PFDN1: variants seen among roughly 807,000 people sequenced by gnomAD.
PFDN1 encodes prefoldin 1.
A neutral mutation model predicts 17.3 loss-of-function variants in PFDN1; 6 were observed. The observed-to-expected ratio is 0.35, with a 90% CI of 0.19 to 0.69. The LOEUF (loss-of-function observed/expected upper bound fraction) is 0.69, where lower values mean the gene tolerates loss of function less well. Ranked by LOEUF, PFDN1 falls within the 30% of genes least tolerant of loss-of-function variation. The pLI, the probability that PFDN1 is intolerant of heterozygous loss-of-function variation, is 0.65. For missense variants in PFDN1, 113 were observed against 146.2 expected (o/e 0.77, Z 1.17); for synonymous variants, 58 against 50.1 (o/e 1.16, Z -0.67).
rs1241622048 is a variant in PFDN1 at position 140,254,748 on chromosome 5, T to G, written c.286-8691A>C. Among the ~76,000 whole-genome samples, 2 of 152,238 alleles carry G rather than the reference T, an allele frequency of 1.3e-5. No homozygotes were observed. The highest frequency in any genetic ancestry group is 4.8e-5 in the African/African-American group (2 of 41,456). ...ACCTCATATTCTTCCAGGTCACTTC[T>G]GATACTCTCGCTCCAGCATTTCTTC... On this transcript the variant is annotated intron_variant, in intron 3 of 3. Coordinates refer to ENST00000261813, the MANE Select transcript of PFDN1 (RefSeq NM_002622.5). This position sits in a 1 kb window ranked among gnomAD's most constrained non-coding sequence, Gnocchi z 4.4.
chr5:140,277,234 A>G (rs1042801797), intron 3 of PFDN1, among the ~76,000 whole-genome samples: 4 of 152,092 alleles, frequency 2.6e-5, no homozygotes, highest in Admixed American at 6.6e-5. Flanking sequence ...CTCAAAAAAA[A>G]AAAAAAAGTT....
At chr5:140,281,428 C>T in intron 3 of PFDN1, 21 bp downstream of exon 3, 1 of 1,064,928 alleles carries the variant, frequency 9.4e-7, no homozygotes, top group South Asian at 1.3e-5. Flanking sequence ...AAGTTAACTC[C>T]TATTGCCAAT....
chr5:140,271,568 T>A (rs2126686338), intron 3 of PFDN1, among the ~76,000 whole-genome samples: 1 of 152,314 alleles, frequency 6.6e-6, no homozygotes, highest in East Asian at 1.9e-4. Flanking sequence ...ATTTTAATCA[T>A]CAGGAGTGTA....
At chr5:140,258,119 A>G (rs972026515) in intron 3 of PFDN1, among the ~76,000 whole-genome samples, 1 of 152,198 alleles carries the variant, frequency 6.6e-6, no homozygotes, top group Non-Finnish European at 1.5e-5. Flanking sequence ...GTCTTAAGCC[A>G]TATTAAAGTT....
chr5:140,268,219 A>G (rs1281164990), intron 3 of PFDN1, among the ~76,000 whole-genome samples: 1 of 152,260 alleles, frequency 6.6e-6, no homozygotes, highest in Non-Finnish European at 1.5e-5. Flanking sequence ...TAATATGCAA[A>G]AATCATTTGA....
intron 2 of PFDN1, among the ~76,000 whole-genome samples, chr5:140,282,875 T>C (rs1353492838): frequency 6.6e-6 from 1 of 152,224 alleles, no homozygotes; most frequent in African/African-American, 2.4e-5. Context: ...TGCAATTAAT[T>C]AAGCAAGATT....
At chr5:140,273,670 T>C (rs78404274) in intron 3 of PFDN1, among the ~76,000 whole-genome samples, 1 of 152,132 alleles carries the variant, frequency 6.6e-6, no homozygotes, top group Non-Finnish European at 1.5e-5. Flanking sequence ...TTTTTTTTTT[T>C]ACATATGATA....
rs533754966 is a variant in PFDN1 at position 140,280,068 on chromosome 5, C to T, written c.285+1381G>A. Among the ~76,000 whole-genome samples the T allele has an allele frequency of 2.0e-5, 3 of 148,106 alleles. No homozygotes were observed. The South Asian group carries it at 6.3e-4, about 31-fold the overall frequency. On this transcript the variant is annotated intron_variant, in intron 3 of 3. Transcript: ENST00000261813. ...AAGAAAAAGAAAAAATCATTTATCC[C>T]TACGTCCCATCTAATTTCTTTAGGG...
chr5:140,250,863 C>T (rs982771091), intron 3 of PFDN1, among the ~76,000 whole-genome samples: 3 of 152,216 alleles, frequency 2.0e-5, no homozygotes, highest in African/African-American at 7.2e-5. Context: ...TCCAACCTAT[C>T]ACTACAAACA....
chr5:140,274,315 T>G (rs1765256475), intron 3 of PFDN1, among the ~76,000 whole-genome samples: 1 of 152,238 alleles, frequency 6.6e-6, no homozygotes, highest in South Asian at 2.1e-4. Context: ...AGACATGTCA[T>G]AATTCCAAAT....
At position 140,273,761 on chromosome 5, in the gene PFDN1, A is replaced by C. The variant is rs115130304; in HGVS notation, c.285+7688T>G. The C allele has an allele frequency of 2.3e-3, 524 of 228,076 alleles. 5 individuals carry two copies. Among genetic ancestry groups the C allele is most frequent in the African/African-American group, 0.012 (505 of 42,834 alleles). 14.1% of individuals were successfully genotyped at this position (228,076 alleles called of 1,614,324 possible). A position where few individuals can be genotyped will look rare whatever the true frequency, so the allele number is the denominator to read the frequency against. On this transcript the variant is annotated intron_variant, in intron 3 of 3. Coordinates refer to ENST00000261813, the MANE Select transcript of PFDN1 (RefSeq NM_002622.5). Reference sequence around the variant, plus strand: ...GGCGCTAAGCACGCCAGACTGTCCTAGGTTTCCTTATTCTTATTCTGTTAT... The same window carrying C: ...GGCGCTAAGCACGCCAGACTGTCCTCGGTTTCCTTATTCTTATTCTGTTAT...
In PFDN1 at chr5:140,280,014, C is replaced by CCAAAAAAAAAAAAAAAAA. The variant is rs1335205089; in HGVS notation, c.285+1434_285+1435insTTTTTTTTTTTTTTTTTG. ...CCGTCTCAAAAAAAAAAAAAAAAAA[C>CCAAAAAAAAAAAAAAAAA]AAAAAAAGAAAAGAAAAGAAAAGAA... On this transcript the variant is annotated intron_variant, in intron 3 of 3. Coordinates refer to ENST00000261813, the MANE Select transcript of PFDN1 (RefSeq NM_002622.5). 2.6e-4 allele frequency among the ~76,000 whole-genome samples: 26 copies of CCAAAAAAAAAAAAAAAAA among 99,110 alleles called. 2 individuals are homozygous for CCAAAAAAAAAAAAAAAAA. Among genetic ancestry groups the CCAAAAAAAAAAAAAAAAA allele is most frequent in the African/African-American group, 9.0e-4 (18 of 19,932 alleles). 65.0% of individuals were successfully genotyped at this position (99,110 alleles called of 152,430 possible). A position where few individuals can be genotyped will look rare whatever the true frequency, so the allele number is the denominator to read the frequency against.
chr5:140,299,302 C>T (rs1294272883), intron 2 of PFDN1, among the ~76,000 whole-genome samples: 1 of 152,082 alleles, frequency 6.6e-6, no homozygotes, highest in Non-Finnish European at 1.5e-5. Context: ...GGAAAGTAAG[C>T]ACTTAAGAAA....
Position 140,280,718 on chromosome 5 carries a change from G to A in PFDN1, c.285+731C>T, listed in dbSNP as rs190428827. On this transcript the variant is annotated intron_variant, in intron 3 of 3. Transcript: ENST00000261813. ...ATGAAGTCAATGTATCCACCCACAT[G>A]TTGGGAAATCTTGGTCCCTAAGAAA... Among the ~76,000 whole-genome samples the A allele has an allele frequency of 7.3e-4, 111 of 152,286 alleles. No homozygotes were observed. The Middle Eastern group carries it at 0.02, about 28-fold the overall frequency.
chr5:140,266,259 G>A lies in PFDN1; in HGVS notation c.285+15190C>T, dbSNP rs533350467. 3.3e-5 allele frequency among the ~76,000 whole-genome samples: 5 copies of A among 152,234 alleles called. 1 individual carries two copies. The South Asian group carries it at 1.0e-3, about 32-fold the overall frequency. On this transcript the variant is annotated intron_variant, in intron 3 of 3. Transcript: ENST00000261813. The stretch of plus-strand genomic sequence containing the variant: ...CTACCTTAAAATACATCCAGAGTCT[G>A]ATCACCTCCACTGTCACCATCCTGG...
intron 3 of PFDN1, among the ~76,000 whole-genome samples, chr5:140,270,718 G>A (rs1379263879): frequency 3.9e-5 from 6 of 152,174 alleles, no homozygotes; most frequent in Non-Finnish European, 8.8e-5. Flanking sequence ...GGGGTCAGGA[G>A]ATCAAGACCA....
At chr5:140,277,373 G>T (rs536442595) in intron 3 of PFDN1, among the ~76,000 whole-genome samples, 51 of 152,230 alleles carry the variant, frequency 3.4e-4, no homozygotes, top group African/African-American at 9.6e-4. Flanking sequence ...GGCTGGATAT[G>T]GTAAAATCAG....
intron 3 of PFDN1, among the ~76,000 whole-genome samples, chr5:140,272,583 C>T (rs1765224087): frequency 6.6e-6 from 1 of 151,696 alleles, no homozygotes; most frequent in Non-Finnish European, 1.5e-5. Context: ...TGGTCTTGAA[C>T]TCCTGACCTC....
At chr5:140,295,118 C>T (rs903206985) in intron 2 of PFDN1, among the ~76,000 whole-genome samples, 5 of 151,740 alleles carry the variant, frequency 3.3e-5, no homozygotes, top group Non-Finnish European at 4.4e-5. Flanking sequence ...TTATGTAATG[C>T]TCAAGCAAAA....
Sources: gnomAD v4.1 joint callset for allele counts (sites outside exome capture counted in the v4.1 genomes callset) on GRCh38, gnomAD v4.1.1 for gene constraint, Gnocchi (gnomAD v3.1) non-coding constraint, MANE v1.5 for transcripts, NCBI Gene and HGNC (gene_info 2026-07-23, HGNC 2026-07-21) for gene names.